The following PRRX1 variants were observed in gnomAD, a reference collection of about 807,000 sequenced individuals.
PRRX1 encodes the protein paired related homeobox 1.
PRRX1 carries 8 observed loss-of-function variants against 24.0 expected under a neutral mutation model. That is an observed-to-expected ratio of 0.33 (90% confidence interval 0.20 to 0.60). PRRX1 has a LOEUF of 0.60. PRRX1 is among the 20% of genes least tolerant of loss of function. The pLI is 0.82. For synonymous variants in PRRX1, 160 were observed against 131.7 expected (o/e 1.22, Z -1.47); for missense variants, 281 against 322.4 (o/e 0.87, Z 0.98).
chr1:170,734,691 A>G (rs1655549116), intron 3 of PRRX1, among the ~76,000 whole-genome samples: 1 of 152,086 alleles, frequency 6.6e-6, no homozygotes. Context: ...TCACCCATAC[A>G]CTTAACCAGG....
At chr1:170,698,520 A>T (rs1033873211) in intron 1 of PRRX1, among the ~76,000 whole-genome samples, 2 of 152,234 alleles carry the variant, frequency 1.3e-5, no homozygotes, top group African/African-American at 4.8e-5. Flanking sequence ...GTTGTTTTAG[A>T]ATCACAGTAG....
chr1:170,670,545 A>T (rs1267367277), intron 1 of PRRX1, among the ~76,000 whole-genome samples: 1 of 152,102 alleles, frequency 6.6e-6, no homozygotes, highest in African/African-American at 2.4e-5. Context: ...CTGTGGACTA[A>T]ATATTAGTAG....
chr1:170,719,420 CA>C (rs1423071054), intron 1 of PRRX1, among the ~76,000 whole-genome samples: 1 of 152,164 alleles, frequency 6.6e-6, no homozygotes, highest in Non-Finnish European at 1.5e-5. Context: ...AGAACATGGG[CA>C]GGGGTAAGAT....
At chr1:170,703,773 G>C (rs1654472815) in intron 1 of PRRX1, among the ~76,000 whole-genome samples, 1 of 152,194 alleles carries the variant, frequency 6.6e-6, no homozygotes, top group Non-Finnish European at 1.5e-5. Flanking sequence ...AAGACAGTGA[G>C]TGACAGGTCT....
At chr1:170,683,779 A>G (rs1414914405) in intron 1 of PRRX1, among the ~76,000 whole-genome samples, 1 of 152,188 alleles carries the variant, frequency 6.6e-6, no homozygotes, top group Non-Finnish European at 1.5e-5. Flanking sequence ...ATATGTGAAG[A>G]CTTGTGTAAC....
intron 1 of PRRX1, among the ~76,000 whole-genome samples, chr1:170,677,773 A>T (rs934412430): frequency 6.6e-6 from 1 of 152,182 alleles, no homozygotes; most frequent in South Asian, 2.1e-4. Flanking sequence ...TTCCTCTCTC[A>T]GCGTGAAACA....
At chr1:170,669,393 C>T (rs1653062151) in intron 1 of PRRX1, 1 of 121,316 alleles carries the variant, frequency 8.2e-6, no homozygotes, top group Non-Finnish European at 1.6e-5. Flanking sequence ...CATCTCCAAA[C>T]CAACAAGATG....
rs758374162 is a variant in PRRX1 at position 170,726,324 on chromosome 1, T to C, written c.522T>C (p.Ala174=). 3.7e-6 allele frequency: 6 copies of C among 1,614,130 alleles called. No individual in the cohort carries two copies. The Admixed American group carries it at 8.3e-5, about 22-fold the overall frequency. Residue 174 remains alanine, a synonymous_variant, in exon 3 of 4, where the codon GCT becomes GCC. Transcript: ENST00000239461. ...LLKSYSGDVT[A]VEQPIVPRPA... ...AATCCTACTCAGGAGACGTGACTGC[T>C]GTGGAGCAGCCCATCGTACCTCGTC...
chr1:170,692,951 T>C (rs1654044015), intron 1 of PRRX1, among the ~76,000 whole-genome samples: 2 of 152,134 alleles, frequency 1.3e-5, no homozygotes, highest in African/African-American at 2.4e-5. Context: ...TTGCTTTTCA[T>C]CATGAAGTGA....
At chr1:170,664,092 T>TCTCTCTCTCTCTCTCTCTCC (rs1409934869), upstream of PRRX1, 4 of 871,088 alleles carry the variant, frequency 4.6e-6, no homozygotes, top group Admixed American at 3.0e-5. Flanking sequence ...TTCCTCCCTC[T>TCTCTCTCTCTCTCTCTCTCC]CTCTCTCTCT....
At chr1:170,700,961 A>T (rs1654334809) in intron 1 of PRRX1, among the ~76,000 whole-genome samples, 1 of 152,002 alleles carries the variant, frequency 6.6e-6, no homozygotes, top group Admixed American at 6.6e-5. Context: ...ATTTTTCTGA[A>T]CTCTTGAAAT....
chr1:170,725,928 T>C (rs1010504419), intron 2 of PRRX1, among the ~76,000 whole-genome samples: 1 of 152,208 alleles, frequency 6.6e-6, no homozygotes, highest in South Asian at 2.1e-4. Flanking sequence ...ACAGGGATTA[T>C]AACCCATATT....
intron 1 of PRRX1, among the ~76,000 whole-genome samples, chr1:170,691,752 C>A (rs149801562): frequency 1.3e-4 from 20 of 151,718 alleles, no homozygotes; most frequent in African/African-American, 4.8e-4. Flanking sequence ...TGTGTTGTGA[C>A]AAAGATAGTA....
intron 1 of PRRX1, 58 bp downstream of exon 1, chr1:170,664,517 G>A (rs971891901): frequency 3.2e-6 from 5 of 1,545,408 alleles, no homozygotes; most frequent in African/African-American, 1.4e-5. Flanking sequence ...GCGGGGACCC[G>A]TGTAGGGCAG....
At chr1:170,717,702 C>T (rs942800642) in intron 1 of PRRX1, among the ~76,000 whole-genome samples, 37 of 150,442 alleles carry the variant, frequency 2.5e-4, no homozygotes, top group African/African-American at 8.3e-4. Context: ...ACCTGAAGTA[C>T]GAGACAAAAT....
At position 170,719,778 on chromosome 1, in the gene PRRX1, G is replaced by A. The variant is rs745803147; in HGVS notation, c.294G>A (p.Arg98=). ...EKKKRKQRRN[R]TTFNSSQLQA... is the part of the protein sequence containing the mutation. ...AGAAGAGAAAGCAGCGAAGGAATAGGACAACCTTCAATAGCAGCCAGCTGC... is the reference window on the plus strand; with the variant it reads ...AGAAGAGAAAGCAGCGAAGGAATAGAACAACCTTCAATAGCAGCCAGCTGC... The change falls in exon 2 of 4, where the codon AGG becomes AGA. Residue 98 remains arginine (R), a synonymous_variant. Coordinates refer to ENST00000239461, the MANE Select transcript of PRRX1 (RefSeq NM_022716.4). 2.5e-6 allele frequency: 4 copies of A among 1,614,206 alleles called. No homozygotes were observed. Among genetic ancestry groups the A allele is most frequent in the South Asian group, 2.2e-5 (2 of 91,084 alleles).
Position 170,736,254 on chromosome 1 carries a change from A to G in PRRX1, c.*68A>G, listed in dbSNP as rs534149339. ...CATAAGACACCTATCCTGCTCTGTT[A>G]TTTCTTCATCTGCTGGGGGGAAAAA... On this transcript the variant is annotated 3_prime_UTR_variant, in exon 4 of 4. Coordinates refer to ENST00000239461, the MANE Select transcript of PRRX1 (RefSeq NM_022716.4). 17 of 1,587,100 alleles carry G rather than the reference A, an allele frequency of 1.1e-5. No individual in the cohort carries two copies. The African/African-American group carries it at 1.8e-4, about 16-fold the overall frequency.
chr1:170,720,382 C>A (rs924631398), intron 2 of PRRX1, among the ~76,000 whole-genome samples: 9 of 152,162 alleles, frequency 5.9e-5, no homozygotes, highest in African/African-American at 2.2e-4. Context: ...AGGATAGAAT[C>A]CTGTTTCCAG....
At chr1:170,712,557 C>G (rs1279063361) in intron 1 of PRRX1, among the ~76,000 whole-genome samples, 3 of 152,100 alleles carry the variant, frequency 2.0e-5, no homozygotes, top group Admixed American at 1.3e-4. Context: ...ATGGCTTGAC[C>G]AGCCCATTTT....
Sources: allele counts gnomAD v4.1 joint callset (sites outside exome capture counted in the v4.1 genomes callset), GRCh38; gene constraint gnomAD v4.1.1; transcripts MANE v1.5; gene names NCBI Gene and HGNC (gene_info 2026-07-23, HGNC 2026-07-21).